The following PARD3B variants were observed in gnomAD, a reference collection of about 807,000 sequenced individuals.
PARD3B encodes par-3 family cell polarity regulator beta.
In PARD3B, 103 loss-of-function variants were observed where a neutral mutation model predicts 130.2. The observed-to-expected ratio is 0.79, with a 90% CI of 0.67 to 0.93. The LOEUF (loss-of-function observed/expected upper bound fraction) is 0.93, where lower values mean the gene tolerates loss of function less well. Ranked by LOEUF, PARD3B falls within the 40% of genes least tolerant of loss-of-function variation. The pLI, the probability that PARD3B is intolerant of heterozygous loss-of-function variation, is 0.00. For missense variants in PARD3B, 1,609 were observed against 1,499.2 expected, an observed-to-expected ratio of 1.07 and a Z score of -1.21; for synonymous variants, 583 against 553.2, an observed-to-expected ratio of 1.05 and a Z score of -0.76.
chr2:205,408,105 G>C (rs1414285505), intron 19 of PARD3B, among the ~76,000 whole-genome samples: 1 of 152,182 alleles, frequency 6.6e-6, no homozygotes, highest in African/African-American at 2.4e-5. Context: ...ATCGGTTTCA[G>C]TGTCTGAATT....
At chr2:204,837,922 A>T (rs533204920) in intron 2 of PARD3B, among the ~76,000 whole-genome samples, 36 of 152,062 alleles carry the variant, frequency 2.4e-4, no homozygotes, top group African/African-American at 8.7e-4. Context: ...CCAACAACCC[A>T]CCCCCAGTTT....
At chr2:205,580,141 C>A (rs1021873766) in intron 22 of PARD3B, among the ~76,000 whole-genome samples, 1 of 152,174 alleles carries the variant, frequency 6.6e-6, no homozygotes. Flanking sequence ...AAGTGTTCAT[C>A]TGTGAACTTT....
In PARD3B at chr2:205,264,631, T is replaced by G. The variant is rs1022038560; in HGVS notation, c.2185+18809T>G. Among the ~76,000 whole-genome samples the G allele has an allele frequency of 1.1e-4, 16 of 151,142 alleles. 1 individual carries two copies. Among genetic ancestry groups the G allele is most frequent in the African/African-American group, 3.4e-4 (14 of 41,156 alleles). Reference sequence around the variant, plus strand: ...TGATTTTGTGAACATAATCTTATGATTTCTTTTAAAATGCAATTATATGCT... The same window carrying G: ...TGATTTTGTGAACATAATCTTATGAGTTCTTTTAAAATGCAATTATATGCT... On this transcript the variant is annotated intron_variant, in intron 16 of 22. Transcript: ENST00000406610.
At chr2:204,662,140 A>C (rs2035836872) in intron 1 of PARD3B, among the ~76,000 whole-genome samples, 1 of 152,250 alleles carries the variant, frequency 6.6e-6, no homozygotes, top group African/African-American at 2.4e-5. Context: ...GTAACATCAT[A>C]CATTTGTCCC....
rs115556787 is a variant in PARD3B, at chr2:205,503,386, T to G, written c.3180+3355T>G. ...GGGAGTTGCCTCAGCTGACATACTT[T>G]GTTCTTTTTTTTTTTCATACTTTGT... On this transcript the variant is annotated intron_variant, in intron 21 of 22. Coordinates refer to ENST00000406610, the MANE Select transcript of PARD3B (RefSeq NM_001302769.2). 2.5e-3 allele frequency among the ~76,000 whole-genome samples: 375 copies of G among 150,982 alleles called. 3 individuals are homozygous for G. Among genetic ancestry groups the G allele is most frequent in the African/African-American group, 8.4e-3 (349 of 41,426 alleles).
At chr2:205,303,970 G>T (rs889639554) in intron 18 of PARD3B, among the ~76,000 whole-genome samples, 4 of 152,206 alleles carry the variant, frequency 2.6e-5, no homozygotes, top group Non-Finnish European at 5.9e-5. Context: ...GATGGGAGAT[G>T]ATGGTTTAGG....
intron 18 of PARD3B, among the ~76,000 whole-genome samples, chr2:205,303,696 C>T (rs1378710456): frequency 1.3e-5 from 2 of 152,170 alleles, no homozygotes. Context: ...AAGCACACAT[C>T]AGACTCTCCC....
intron 2 of PARD3B, among the ~76,000 whole-genome samples, chr2:204,945,058 G>A (rs532802874): frequency 6.6e-6 from 1 of 152,218 alleles, no homozygotes; most frequent in South Asian, 2.1e-4. Context: ...TAGTGTGTCT[G>A]TTTACATCAG....
In PARD3B at chr2:204,734,542, A is replaced by G. The variant is rs919752115; in HGVS notation, c.222+48260A>G. Reference sequence around the variant, plus strand: ...GGTAAGCAGATGAGCAAATTGTGCTATATCTATACAGTGGAATTCTACTCA... The same window carrying G: ...GGTAAGCAGATGAGCAAATTGTGCTGTATCTATACAGTGGAATTCTACTCA... On this transcript the variant is annotated intron_variant, in intron 2 of 22. Transcript: ENST00000406610. 2.0e-5 allele frequency among the ~76,000 whole-genome samples: 3 copies of G among 152,176 alleles called. No individual in the cohort carries two copies. The South Asian group carries it at 6.2e-4, about 32-fold the overall frequency.
Position 205,274,410 on chromosome 2 carries a change from C to T in PARD3B, c.2186-26120C>T, listed in dbSNP as rs1422034988. ...TAAGTGCTTTTAGTAACTTATATTGCAGTGACTTTAATATTACTGAGGAAG... is the reference window on the plus strand; with the variant it reads ...TAAGTGCTTTTAGTAACTTATATTGTAGTGACTTTAATATTACTGAGGAAG... On this transcript the variant is annotated intron_variant, in intron 16 of 22. Coordinates refer to ENST00000406610, the MANE Select transcript of PARD3B (RefSeq NM_001302769.2). This position sits in a 1 kb window ranked among gnomAD's most constrained non-coding sequence, Gnocchi z 4.2. Among the ~76,000 whole-genome samples the T allele has an allele frequency of 6.6e-6, 1 of 151,992 alleles. No individual in the cohort carries two copies. Among genetic ancestry groups the T allele is most frequent in the Admixed American group, 6.6e-5 (1 of 15,258 alleles).
At chr2:204,948,689 A>T (rs1474022380) in intron 2 of PARD3B, among the ~76,000 whole-genome samples, 1 of 152,214 alleles carries the variant, frequency 6.6e-6, no homozygotes, top group Admixed American at 6.5e-5. Context: ...GGTGTTCACC[A>T]TTGGTTGTCC....
intron 3 of PARD3B, among the ~76,000 whole-genome samples, chr2:204,968,498 TCTGCCCACCTTTATTG>T (rs1691441614): frequency 6.6e-6 from 1 of 152,218 alleles, no homozygotes; most frequent in South Asian, 2.1e-4. Context: ...CTGCTTCCTC[TCTGCCCACCTTTATTG>T]CTGGCCAGTC....
intron 2 of PARD3B, among the ~76,000 whole-genome samples, chr2:204,694,295 G>C (rs2037505930): frequency 6.6e-6 from 1 of 151,958 alleles, no homozygotes. Flanking sequence ...AAACGATTAA[G>C]TGGTCTTTTT....
chr2:205,220,590 T>C (rs568628821), intron 15 of PARD3B, among the ~76,000 whole-genome samples: 6 of 152,336 alleles, frequency 3.9e-5, no homozygotes, highest in African/African-American at 1.2e-4. Context: ...GTAAAGCTCA[T>C]GTCCACGTGA....
At chr2:205,201,367 C>T (rs972529240) in intron 15 of PARD3B, among the ~76,000 whole-genome samples, 10 of 152,056 alleles carry the variant, frequency 6.6e-5, no homozygotes, top group Admixed American at 3.3e-4. Flanking sequence ...TGGTTTATGG[C>T]ATGTTTGGTA....
chr2:205,472,480 A>G lies in PARD3B; in HGVS notation c.3045-27416A>G, dbSNP rs529687620. ...ACTGAGTTTTATGATAATAAATACTATTTTGTATCATATAAATATGCAATG... is the reference window on the plus strand; with the variant it reads ...ACTGAGTTTTATGATAATAAATACTGTTTTGTATCATATAAATATGCAATG... On this transcript the variant is annotated intron_variant, in intron 20 of 22. Transcript: ENST00000406610. Among the ~76,000 whole-genome samples, 4 of 152,312 alleles carry G rather than the reference A, an allele frequency of 2.6e-5. No individual in the cohort carries two copies. The South Asian group carries it at 6.2e-4, about 24-fold the overall frequency.
intron 2 of PARD3B, among the ~76,000 whole-genome samples, chr2:204,917,350 C>T (rs1303861104): frequency 2.0e-5 from 3 of 152,098 alleles, no homozygotes; most frequent in Admixed American, 1.3e-4. Flanking sequence ...AGTGAAGAAA[C>T]GTTAGATGTA....
chr2:205,417,876 T>TTG (rs2046834815), intron 19 of PARD3B, among the ~76,000 whole-genome samples: 1 of 152,366 alleles, frequency 6.6e-6, no homozygotes, highest in African/African-American at 2.4e-5. Flanking sequence ...GAGGCCTTTA[T>TTG]TGTGTCCCAC....
intron 1 of PARD3B, among the ~76,000 whole-genome samples, chr2:204,667,248 T>C (rs578183185): frequency 2.0e-5 from 3 of 152,362 alleles, no homozygotes; most frequent in Admixed American, 2.0e-4. Flanking sequence ...TGTTCATTAC[T>C]GTAACTGCAG....
Sources: gnomAD v4.1 joint callset for allele counts (sites outside exome capture counted in the v4.1 genomes callset) on GRCh38, gnomAD v4.1.1 for gene constraint, Gnocchi (gnomAD v3.1) non-coding constraint, MANE v1.5 for transcripts, NCBI Gene and HGNC (gene_info 2026-07-23, HGNC 2026-07-21) for gene names.